SAMMSON: variants seen among roughly 807,000 people sequenced by gnomAD.
SAMMSON encodes survival associated mitochondrial melanoma specific oncogenic non-coding RNA.
chr3:70,010,941 G>A (rs2107576792), intron 1 of SAMMSON, among the ~76,000 whole-genome samples: 1 of 152,146 alleles, frequency 6.6e-6, no homozygotes, highest in South Asian at 2.1e-4. Flanking sequence ...AGGTGATGCT[G>A]TTGCCTGGTT....
chr3:70,364,955 A>G (rs1396790242), intron 9 of SAMMSON, among the ~76,000 whole-genome samples: 1 of 151,784 alleles, frequency 6.6e-6, no homozygotes, highest in African/African-American at 2.4e-5. Flanking sequence ...TTATCCATTT[A>G]TAACGCACTC....
chr3:70,418,950 CTTTCCTTTCCTTTCCT>C (rs1264813157), intron 2 of SAMMSON, among the ~76,000 whole-genome samples: 60 of 97,538 alleles, frequency 6.2e-4, no homozygotes, highest in African/African-American at 1.7e-3. Context: ...CTTTCCTTTC[CTTTCCTTTCCTTTCCT>C]TTCCTTCCTT....
At chr3:70,375,899 A>G (rs1353742175) in intron 9 of SAMMSON, among the ~76,000 whole-genome samples, 46 of 152,112 alleles carry the variant, frequency 3.0e-4, no homozygotes, top group Admixed American at 2.9e-3. Context: ...TGTTTTGGGT[A>G]GTTCATATAC....
At chr3:70,236,505 A>G (rs1230046518) in intron 4 of SAMMSON, among the ~76,000 whole-genome samples, 1 of 151,256 alleles carries the variant, frequency 6.6e-6, no homozygotes, top group Non-Finnish European at 1.5e-5. Flanking sequence ...TGTATTAGCA[A>G]CCTCCACATT....
chr3:70,109,685 A>G (rs1258575954), intron 4 of SAMMSON, among the ~76,000 whole-genome samples: 2 of 152,188 alleles, frequency 1.3e-5, no homozygotes, highest in Non-Finnish European at 2.9e-5. Context: ...TCAGATGAAG[A>G]AAAGATTGTG....
intron 4 of SAMMSON, chr3:70,126,609 C>T: frequency 2.7e-6 from 1 of 371,560 alleles, no homozygotes; most frequent in Non-Finnish European, 4.9e-6. Context: ...AGAGAGCTGG[C>T]ATTTTCAAGC....
intron 4 of SAMMSON, among the ~76,000 whole-genome samples, chr3:70,102,047 T>C (rs1225167224): frequency 6.6e-6 from 1 of 152,218 alleles, no homozygotes; most frequent in Non-Finnish European, 1.5e-5. Context: ...TGTTCTTGAC[T>C]TAGGTCTTTT....
intron 3 of SAMMSON, among the ~76,000 whole-genome samples, chr3:70,040,090 A>G (rs73836017): frequency 0.019 from 2,886 of 152,154 alleles, 93 homozygotes; most frequent in African/African-American, 0.064. Flanking sequence ...CCAGCTCCCT[A>G]CTTACCAGCT....
intron 2 of SAMMSON, among the ~76,000 whole-genome samples, chr3:70,424,301 A>G (rs1318484939): frequency 4.6e-5 from 7 of 152,212 alleles, no homozygotes; most frequent in African/African-American, 1.7e-4. Flanking sequence ...ACTGAAATAT[A>G]TTATATTGGG....
intron 3 of SAMMSON, among the ~76,000 whole-genome samples, chr3:70,016,103 G>A (rs1330406752): frequency 2.6e-5 from 4 of 152,116 alleles, no homozygotes; most frequent in African/African-American, 7.2e-5. Context: ...TGGGTCAAAT[G>A]GTATTTCTAG....
chr3:70,248,878 A>G (rs1477331026), intron 4 of SAMMSON, among the ~76,000 whole-genome samples: 1 of 152,122 alleles, frequency 6.6e-6, no homozygotes, highest in African/African-American at 2.4e-5. Context: ...AATTGAAAGG[A>G]CTCACTGGAT....
At chr3:70,175,579 C>G (rs1289005743) in intron 4 of SAMMSON, among the ~76,000 whole-genome samples, 1 of 151,914 alleles carries the variant, frequency 6.6e-6, no homozygotes, top group Non-Finnish European at 1.5e-5. Context: ...GATCCAGAAC[C>G]CCAAATCTTC....
rs543500221 is a variant in SAMMSON, at chr3:70,256,657, C to T, written n.674+6987C>T. The stretch of plus-strand genomic sequence containing the variant: ...AAGGAAATCCTCAAGCCATGAGATG[C>T]GTCCCTCCTTCCCTCCTTTTCTAGC... On this transcript the variant is annotated intron_variant and non_coding_transcript_variant, in intron 6 of 9. Coordinates refer to ENST00000642114, the Ensembl canonical transcript of SAMMSON. Among the ~76,000 whole-genome samples, 36 of 152,270 alleles carry T rather than the reference C, an allele frequency of 2.4e-4. 1 individual carries two copies. Among genetic ancestry groups the T allele is most frequent in the Middle Eastern group, 3.4e-3 (1 of 294 alleles).
chr3:70,105,125 A>C (rs116352068), intron 4 of SAMMSON, among the ~76,000 whole-genome samples: 3 of 152,260 alleles, frequency 2.0e-5, no homozygotes, highest in African/African-American at 7.2e-5. Flanking sequence ...AGACAGAATC[A>C]AGGGAAATGT....
chr3:70,299,963 T>C (rs1702331509), intron 7 of SAMMSON, among the ~76,000 whole-genome samples: 1 of 152,082 alleles, frequency 6.6e-6, no homozygotes, highest in Middle Eastern at 3.2e-3. Flanking sequence ...TATCGTTCTC[T>C]GAAAAGAACA....
chr3:70,162,911 A>G (rs2067621804), intron 4 of SAMMSON, among the ~76,000 whole-genome samples: 1 of 151,910 alleles, frequency 6.6e-6, no homozygotes, highest in Non-Finnish European at 1.5e-5. Flanking sequence ...GTCTCTAGAA[A>G]TATTTTTTAA....
chr3:70,002,376 ACTT>A (rs1166870581), intron 1 of SAMMSON, among the ~76,000 whole-genome samples: 2 of 152,238 alleles, frequency 1.3e-5, no homozygotes, highest in African/African-American at 4.8e-5. Context: ...ATTTGTAATA[ACTT>A]CTTATTGTCA....
rs530680064 is a variant in SAMMSON at position 70,309,682 on chromosome 3, G to GA, written n.739+18447dup. On this transcript the variant is annotated intron_variant and non_coding_transcript_variant, in intron 7 of 9. Coordinates refer to ENST00000642114, the Ensembl canonical transcript of SAMMSON. Reference sequence around the variant, plus strand: ...AACCCATATACTTTTTCTTAACATTGAAAAAAAAGACATTTATGTTTGAAA... The same window carrying GA: ...AACCCATATACTTTTTCTTAACATTGAAAAAAAAAGACATTTATGTTTGAAA... Among the ~76,000 whole-genome samples the GA allele has an allele frequency of 3.3e-5, 5 of 151,488 alleles. No individual in the cohort carries two copies. In the East Asian group the frequency reaches 5.8e-4, roughly 18 times the overall value.
chr3:70,121,476 A>T (rs1194135677), intron 4 of SAMMSON, among the ~76,000 whole-genome samples: 1 of 152,150 alleles, frequency 6.6e-6, no homozygotes, highest in African/African-American at 2.4e-5. Context: ...GCAAAAAAAA[A>T]TACACATTTA....
Sources: gnomAD v4.1 joint callset for allele counts (sites outside exome capture counted in the v4.1 genomes callset) on GRCh38, gnomAD v4.1.1 for gene constraint, MANE v1.5 for transcripts, NCBI Gene and HGNC (gene_info 2026-07-23, HGNC 2026-07-21) for gene names.